DDAH1: variants seen among roughly 807,000 people sequenced by gnomAD.
DDAH1 encodes dimethylarginine dimethylaminohydrolase 1.
A neutral mutation model predicts 28.8 loss-of-function variants in DDAH1; 19 were observed. That is an observed-to-expected ratio of 0.66 (90% confidence interval 0.46 to 0.97). DDAH1 has a LOEUF of 0.97. Ranked by LOEUF, DDAH1 falls within the 50% of genes least tolerant of loss-of-function variation. The pLI is 0.00. For synonymous variants in DDAH1, 153 were observed against 154.4 expected (o/e 0.99, Z 0.07); for missense variants, 326 against 375.9 (o/e 0.87, Z 1.10).
At chr1:85,578,012 G>A (rs1019073019) in exon 1 of DDAH1, 6 of 985,406 alleles carry the variant, frequency 6.1e-6, no homozygotes, top group Admixed American at 6.1e-5. Context: ...TTCGCCTCCT[G>A]TCCGTCAACT....
intron 2 of DDAH1, among the ~76,000 whole-genome samples, chr1:85,475,616 T>C (rs1146387): frequency 0.31 from 47,574 of 152,092 alleles, 8,565 homozygotes; most frequent in African/African-American, 0.5. Context: ...CTTAGAAAAA[T>C]AGATCATGTA....
chr1:85,363,402 G>T (rs1459995743), intron 1 of DDAH1, among the ~76,000 whole-genome samples: 1 of 150,832 alleles, frequency 6.6e-6, no homozygotes, highest in African/African-American at 2.5e-5. Context: ...TCACCACTAT[G>T]TTTTCAATGC....
chr1:85,437,575 A>G (rs1266912722), intron 1 of DDAH1, among the ~76,000 whole-genome samples: 2 of 152,188 alleles, frequency 1.3e-5, no homozygotes, highest in Non-Finnish European at 1.5e-5. Context: ...TTACTTTATT[A>G]TAAGATTAAA....
At chr1:85,329,740 G>T (rs1647649097) in intron 4 of DDAH1, among the ~76,000 whole-genome samples, 1 of 152,148 alleles carries the variant, frequency 6.6e-6, no homozygotes, top group African/African-American at 2.4e-5. Context: ...AGACTCCACG[G>T]TTATCATTTT....
chr1:85,503,586 CATCT>C (rs1341589557), intron 1 of DDAH1, among the ~76,000 whole-genome samples: 1 of 146,322 alleles, frequency 6.8e-6, no homozygotes, highest in Admixed American at 6.9e-5. Context: ...TCTATCCATC[CATCT>C]ATCTATCTAC....
At chr1:85,574,687 T>C (rs74399770) in intron 1 of DDAH1, among the ~76,000 whole-genome samples, 24,556 of 152,206 alleles carry the variant, frequency 0.16, 2,479 homozygotes, top group Admixed American at 0.26. Flanking sequence ...CACTATGCCA[T>C]GACACATCAC....
chr1:85,566,491 CA>C (rs200302503), intron 1 of DDAH1, among the ~76,000 whole-genome samples: 219 of 84,714 alleles, frequency 2.6e-3, no homozygotes, highest in Admixed American at 3.7e-3. Flanking sequence ...GACCCCATCT[CA>C]AAAAAAAAAA....
At chr1:85,327,663 T>C (rs543133286) in intron 4 of DDAH1, among the ~76,000 whole-genome samples, 26 of 152,236 alleles carry the variant, frequency 1.7e-4, no homozygotes, top group Admixed American at 8.5e-4. Flanking sequence ...CACACACTAA[T>C]TGTGTGACTT....
intron 1 of DDAH1, among the ~76,000 whole-genome samples, chr1:85,509,189 A>G (rs911268343): frequency 1.9e-4 from 29 of 152,238 alleles, no homozygotes; most frequent in African/African-American, 7.0e-4. Context: ...TGCTGGTGAT[A>G]CCCAGGCAAA....
chr1:85,483,173 C>T (rs1656069556), intron 2 of DDAH1, among the ~76,000 whole-genome samples: 1 of 147,458 alleles, frequency 6.8e-6, no homozygotes, highest in African/African-American at 2.5e-5. Context: ...AAGATCGTGC[C>T]ACTGCATTCC....
At chr1:85,328,018 A>G (rs1318987889) in intron 4 of DDAH1, among the ~76,000 whole-genome samples, 3 of 152,246 alleles carry the variant, frequency 2.0e-5, no homozygotes, top group Non-Finnish European at 4.4e-5. Context: ...TCACATGGGT[A>G]AACAATTGAA....
intron 1 of DDAH1, among the ~76,000 whole-genome samples, chr1:85,431,083 C>T (rs147757692): frequency 5.7e-4 from 86 of 152,112 alleles, no homozygotes; most frequent in African/African-American, 2.0e-3. Context: ...CCTAGTTTAT[C>T]GAGAGTTTTT....
chr1:85,447,458 G>T (rs944910181), intron 1 of DDAH1, among the ~76,000 whole-genome samples: 1 of 152,206 alleles, frequency 6.6e-6, no homozygotes, highest in African/African-American at 2.4e-5. Flanking sequence ...AATGAAGCAA[G>T]TGGACAGTGA....
intron 4 of DDAH1, among the ~76,000 whole-genome samples, chr1:85,339,503 T>C (rs1032292948): frequency 6.6e-6 from 1 of 152,188 alleles, no homozygotes; most frequent in African/African-American, 2.4e-5. Context: ...TACAACATTT[T>C]GAAAGATGAA....
intron 1 of DDAH1, among the ~76,000 whole-genome samples, chr1:85,397,479 T>C (rs2100568423): frequency 6.6e-6 from 1 of 152,282 alleles, no homozygotes; most frequent in East Asian, 1.9e-4. Context: ...TTTTATTGCT[T>C]TTTTATTTAA....
intron 4 of DDAH1, among the ~76,000 whole-genome samples, chr1:85,343,515 G>GGTGAAT (rs1648640115): frequency 6.6e-6 from 1 of 152,288 alleles, no homozygotes. Flanking sequence ...TTGTGGAGCT[G>GGTGAAT]GTGAATACAA....
At chr1:85,467,169 T>C (rs1343208895), upstream of DDAH1, 1 of 152,234 alleles carries the variant, frequency 6.6e-6, no homozygotes, top group East Asian at 1.9e-4. Context: ...TTTATTTGTT[T>C]AGCTCCCGGG....
chr1:85,479,420 G>C lies in DDAH1; in HGVS notation c.-7+16746C>G, dbSNP rs1035576608. ...GATCTCCTGACCTCATGATCCACCC[G>C]CCTCGGCCTCCCAAAGTGCTGGGAT... On this transcript the variant is annotated intron_variant, in intron 2 of 6. Coordinates refer to the DDAH1 transcript ENST00000426972. 2.0e-5 allele frequency among the ~76,000 whole-genome samples: 3 copies of C among 151,756 alleles called. No homozygotes were observed. In the East Asian group the frequency reaches 5.8e-4, roughly 29 times the overall value.
At position 85,428,996 on chromosome 1, in the gene DDAH1, A is replaced by T. The variant is rs545421713; in HGVS notation, c.303+35747T>A. ...GGAAACTGGGGATGGCTGTGGGGAT[A>T]GGAGGCTTTTTATTTATTTTTTATT... On this transcript the variant is annotated intron_variant, in intron 1 of 5. Coordinates refer to ENST00000284031, the MANE Select transcript of DDAH1 (RefSeq NM_012137.4). Among the ~76,000 whole-genome samples, 6 of 152,148 alleles carry T rather than the reference A, an allele frequency of 3.9e-5. No homozygotes were observed. The South Asian group carries it at 1.2e-3, about 32-fold the overall frequency.
Sources: allele counts gnomAD v4.1 joint callset (sites outside exome capture counted in the v4.1 genomes callset), GRCh38; gene constraint gnomAD v4.1.1; transcripts MANE v1.5; gene names NCBI Gene and HGNC (gene_info 2026-07-23, HGNC 2026-07-21).